The following DROSHA variants were observed in gnomAD, a reference collection of about 807,000 sequenced individuals.
DROSHA encodes the protein drosha ribonuclease III, also known as ribonuclease 3.
Under a neutral mutation model 181.9 loss-of-function variants are expected in DROSHA, and 56 were observed. That is an observed-to-expected ratio of 0.31 (90% confidence interval 0.25 to 0.38). The LOEUF is 0.38. Among genes scored for constraint, DROSHA ranks in the 10% least tolerant of loss-of-function variants. The probability of loss-of-function intolerance (pLI) is 1.00; values close to 1 mark genes in which losing one functional copy is unlikely to be tolerated. For synonymous variants in DROSHA, 524 were observed against 591.2 expected (o/e 0.89, Z 1.65); for missense variants, 1,218 against 1,743.5 (o/e 0.70, Z 5.37).
chr5:31,428,792 A>C (rs1423373307), intron 27 of DROSHA, among the ~76,000 whole-genome samples: 1 of 152,196 alleles, frequency 6.6e-6, no homozygotes, highest in Non-Finnish European at 1.5e-5. Flanking sequence ...TTCAATTTGG[A>C]ATACAGAGTT....
At chr5:31,477,250 G>T (rs551126075) in intron 16 of DROSHA, among the ~76,000 whole-genome samples, 1 of 152,064 alleles carries the variant, frequency 6.6e-6, no homozygotes, top group East Asian at 1.9e-4. Flanking sequence ...TTTGGGGAGG[G>T]GGTAATTTGT....
At chr5:31,525,119 T>C (rs1206459515) in intron 5 of DROSHA, among the ~76,000 whole-genome samples, 2 of 151,576 alleles carry the variant, frequency 1.3e-5, no homozygotes, top group African/African-American at 4.8e-5. Context: ...TCACCTGAGG[T>C]CAGGAGTTCG....
At chr5:31,475,337 T>C (rs564889971) in intron 16 of DROSHA, among the ~76,000 whole-genome samples, 2 of 152,098 alleles carry the variant, frequency 1.3e-5, no homozygotes, top group African/African-American at 4.8e-5. Flanking sequence ...AATAAAATAA[T>C]AAAAACACAT....
chr5:31,519,959 T>C (rs781387592), intron 6 of DROSHA, among the ~76,000 whole-genome samples: 3 of 152,208 alleles, frequency 2.0e-5, no homozygotes, highest in Non-Finnish European at 4.4e-5. Flanking sequence ...GTAAGAGAGA[T>C]TGCTGTGTCG....
chr5:31,520,703 G>C (rs982298984), intron 6 of DROSHA, among the ~76,000 whole-genome samples: 1 of 151,994 alleles, frequency 6.6e-6, no homozygotes, highest in Non-Finnish European at 1.5e-5. Context: ...ATTTTACTTC[G>C]GGATATAGAA....
At chr5:31,402,967 G>A (rs532385188) in intron 35 of DROSHA, among the ~76,000 whole-genome samples, 267 of 152,220 alleles carry the variant, frequency 1.8e-3, no homozygotes, top group African/African-American at 6.1e-3. Context: ...ATTTTTAGTC[G>A]AGATGGGGTT....
intron 26 of DROSHA, among the ~76,000 whole-genome samples, chr5:31,430,570 T>C (rs1744052587): frequency 6.6e-6 from 1 of 152,220 alleles, no homozygotes; most frequent in African/African-American, 2.4e-5. Context: ...AGAGATTAGG[T>C]AGCTTGCCAA....
chr5:31,512,142 C>T (rs182074106), intron 8 of DROSHA, among the ~76,000 whole-genome samples: 1 of 152,272 alleles, frequency 6.6e-6, no homozygotes, highest in East Asian at 1.9e-4. Flanking sequence ...ATGTAAAAAC[C>T]AGACCTGTCA....
Position 31,483,646 on chromosome 5 carries a change from G to GAAAAAAAAAAAAA in DROSHA, c.1997-31_1997-19dup. The GAAAAAAAAAAAAA allele has an allele frequency of 4.9e-6, 6 of 1,236,472 alleles. No individual in the cohort carries two copies. Among genetic ancestry groups the GAAAAAAAAAAAAA allele is most frequent in the South Asian group, 3.1e-5 (2 of 65,280 alleles). The allele number at this position is 1,236,472 out of a possible 1,614,324, so 76.6% of individuals were successfully genotyped here. A position where few individuals can be genotyped will look rare whatever the true frequency, so the allele number is the denominator to read the frequency against. On this transcript the variant is annotated intron_variant, in intron 15 of 35. Coordinates refer to ENST00000344624, the MANE Select transcript of DROSHA (RefSeq NM_001382508.1). The stretch of plus-strand genomic sequence containing the variant: ...CAAAGGACCTGAAGCAAACAAATGA[G>GAAAAAAAAAAAAA]AAAAAAAAAAAAAAAAGAAAACTCA...
intron 19 of DROSHA, 107 bp downstream of exon 19, chr5:31,466,075 A>G: frequency 2.6e-6 from 3 of 1,168,706 alleles, no homozygotes; most frequent in Non-Finnish European, 2.4e-6. Flanking sequence ...TTTTTTTAAA[A>G]AAATATTTTT....
chr5:31,527,221 G>C (rs1282189122), intron 4 of DROSHA, among the ~76,000 whole-genome samples: 1 of 152,120 alleles, frequency 6.6e-6, no homozygotes, highest in African/African-American at 2.4e-5. Flanking sequence ...ACCATTTGCT[G>C]TCATGCCTTT....
intron 18 of DROSHA, chr5:31,467,670 T>C (rs1053990323): frequency 7.8e-5 from 14 of 179,882 alleles, no homozygotes; most frequent in Non-Finnish European, 1.5e-4. Flanking sequence ...AAAAGTTCCT[T>C]AAAGTTTAAA....
chr5:31,424,152 T>G (rs891014567), intron 28 of DROSHA, among the ~76,000 whole-genome samples: 2 of 152,156 alleles, frequency 1.3e-5, no homozygotes, highest in African/African-American at 4.8e-5. Context: ...TTGGTGGTGG[T>G]GGGGCATCCA....
intron 10 of DROSHA, among the ~76,000 whole-genome samples, chr5:31,506,118 T>C (rs963804331): frequency 1.3e-5 from 2 of 152,170 alleles, no homozygotes; most frequent in Non-Finnish European, 2.9e-5. Flanking sequence ...CCCAGCACTT[T>C]GGGATGCTGA....
chr5:31,439,371 G>A (rs116080978), intron 23 of DROSHA, among the ~76,000 whole-genome samples: 81 of 152,210 alleles, frequency 5.3e-4, no homozygotes, highest in Non-Finnish European at 7.6e-4. Flanking sequence ...CTACCAGATC[G>A]ATTGTCATAG....
At chr5:31,504,717 G>T in intron 10 of DROSHA, 82 bp from the exon 11 acceptor site, 1 of 1,438,840 alleles carries the variant, frequency 7.0e-7, no homozygotes, top group Non-Finnish European at 9.7e-7. Context: ...AAATGCGTGG[G>T]TTTTAATGTC....
chr5:31,487,759 T>G (rs1751953654), intron 13 of DROSHA, among the ~76,000 whole-genome samples: 1 of 152,206 alleles, frequency 6.6e-6, no homozygotes, highest in Non-Finnish European at 1.5e-5. Flanking sequence ...GGGCTTTTCC[T>G]TTTTATTCTA....
chr5:31,409,477 C>G lies in DROSHA; in HGVS notation c.3668-145G>C. ...TTTTTCAGTGCTACCATTTCATCTTCCCCCACTTTTTATCATTAATATCAG... is the reference window on the plus strand; with the variant it reads ...TTTTTCAGTGCTACCATTTCATCTTGCCCCACTTTTTATCATTAATATCAG... On this transcript the variant is annotated intron_variant, in intron 31 of 35. Coordinates refer to ENST00000344624, the MANE Select transcript of DROSHA (RefSeq NM_001382508.1). The surrounding 1 kb of genome is among the most constrained non-coding windows in gnomAD (Gnocchi z 4.0). The G allele has an allele frequency of 1.5e-6, 1 of 675,270 alleles. No homozygotes were observed. 41.8% of individuals were successfully genotyped at this position (675,270 alleles called of 1,614,324 possible).
intron 16 of DROSHA, among the ~76,000 whole-genome samples, chr5:31,475,477 C>G (rs2150031176): frequency 6.6e-6 from 1 of 152,284 alleles, no homozygotes; most frequent in South Asian, 2.1e-4. Flanking sequence ...TCTAAGGGGA[C>G]TGAGGTGAAC....
Sources: gnomAD v4.1 joint callset for allele counts (sites outside exome capture counted in the v4.1 genomes callset) on GRCh38, gnomAD v4.1.1 for gene constraint, Gnocchi (gnomAD v3.1) non-coding constraint, MANE v1.5 for transcripts, NCBI Gene and HGNC (gene_info 2026-07-23, HGNC 2026-07-21) for gene names.